PARD3B: variants seen among roughly 807,000 people sequenced by gnomAD.
The protein encoded by PARD3B is partitioning defective 3 homolog B.
PARD3B carries 103 observed loss-of-function variants against 130.2 expected under a neutral mutation model. The ratio of observed to expected loss-of-function variants is 0.79; its 90% CI spans 0.67 to 0.93. The LOEUF is 0.93. PARD3B is among the 40% of genes least tolerant of loss of function. The pLI, the probability that PARD3B is intolerant of heterozygous loss-of-function variation, is 0.00. For synonymous variants in PARD3B, 583 were observed against 553.2 expected (o/e 1.05, Z -0.76); for missense variants, 1,609 against 1,499.2 (o/e 1.07, Z -1.21).
intron 2 of PARD3B, among the ~76,000 whole-genome samples, chr2:204,748,355 A>T (rs1403989109): frequency 6.6e-6 from 1 of 152,142 alleles, no homozygotes; most frequent in African/African-American, 2.4e-5. Context: ...CTCCTTCCTG[A>T]GCCTGGATTA....
At chr2:205,597,678 G>A (rs1290157679) in intron 22 of PARD3B, among the ~76,000 whole-genome samples, 1 of 152,116 alleles carries the variant, frequency 6.6e-6, no homozygotes, top group East Asian at 1.9e-4. Flanking sequence ...AGCCTCACCA[G>A]CATCTGTCGT....
chr2:205,379,826 T>C (rs937252979), intron 18 of PARD3B, among the ~76,000 whole-genome samples: 1 of 151,912 alleles, frequency 6.6e-6, no homozygotes, highest in Non-Finnish European at 1.5e-5. Flanking sequence ...TCCCAGCACT[T>C]TGTGAGGCCA....
chr2:205,338,888 C>T (rs2105800894), intron 18 of PARD3B, among the ~76,000 whole-genome samples: 2 of 152,052 alleles, frequency 1.3e-5, no homozygotes, highest in East Asian at 3.8e-4. Context: ...GCAACCATAA[C>T]AAATTGAACA....
chr2:204,648,708 AAAT>A (rs1439941436), intron 1 of PARD3B, among the ~76,000 whole-genome samples: 74 of 85,350 alleles, frequency 8.7e-4, no homozygotes, highest in Admixed American at 1.3e-3. Context: ...TATATCATAT[AAAT>A]AATATATATT....
At chr2:204,788,416 G>A (rs990194377) in intron 2 of PARD3B, among the ~76,000 whole-genome samples, 1 of 152,204 alleles carries the variant, frequency 6.6e-6, no homozygotes, top group Non-Finnish European at 1.5e-5. Context: ...CTGTTACTCT[G>A]TGGATAATTT....
chr2:204,806,311 A>C (rs188470391), intron 2 of PARD3B, among the ~76,000 whole-genome samples: 2 of 152,212 alleles, frequency 1.3e-5, no homozygotes, highest in Non-Finnish European at 2.9e-5. Context: ...AATGGAACAG[A>C]ATAGGGAACC....
chr2:204,880,521 A>G (rs760466772), intron 2 of PARD3B, among the ~76,000 whole-genome samples: 16 of 151,938 alleles, frequency 1.1e-4, no homozygotes, highest in Non-Finnish European at 1.5e-4. Flanking sequence ...TTAGCCAGGC[A>G]TGGTGATGTG....
At chr2:205,134,359 CAAAA>C (rs56722764) in intron 10 of PARD3B, among the ~76,000 whole-genome samples, 2 of 137,124 alleles carry the variant, frequency 1.5e-5, no homozygotes, top group Non-Finnish European at 3.1e-5. Context: ...CCCATCTCTA[CAAAA>C]AAAAAAAAAA....
chr2:205,518,307 T>A lies in PARD3B; in HGVS notation c.3180+18276T>A, dbSNP rs2050880493. On this transcript the variant is annotated intron_variant, in intron 21 of 22. Coordinates refer to ENST00000406610, the MANE Select transcript of PARD3B (RefSeq NM_001302769.2). ...TTTAGGATAGTTAGGCCTTGTTGAA[T>A]TGAACCCTTTACCATTATGTAATGC... Among the ~76,000 whole-genome samples, 3 of 152,304 alleles carry A rather than the reference T, an allele frequency of 2.0e-5. No individual in the cohort carries two copies. In the South Asian group the frequency reaches 6.2e-4, roughly 32 times the overall value.
intron 2 of PARD3B, among the ~76,000 whole-genome samples, chr2:204,954,511 G>A (rs888456181): frequency 3.9e-5 from 6 of 152,222 alleles, no homozygotes; most frequent in Non-Finnish European, 8.8e-5. Flanking sequence ...TCCCTAACCA[G>A]TCTGGTGAAA....
intron 22 of PARD3B, among the ~76,000 whole-genome samples, chr2:205,569,893 T>C (rs981611368): frequency 1.3e-5 from 2 of 152,110 alleles, no homozygotes; most frequent in African/African-American, 4.8e-5. Context: ...GCCTCTGCCG[T>C]GTTAGCAAGG....
chr2:204,563,272 TC>T (rs2031462418), intron 1 of PARD3B, among the ~76,000 whole-genome samples: 1 of 146,482 alleles, frequency 6.8e-6, no homozygotes, highest in Non-Finnish European at 1.5e-5. Flanking sequence ...TCTCTTTCTC[TC>T]TTCTCCCTTT....
chr2:204,791,610 G>T (rs2125476848), intron 2 of PARD3B, among the ~76,000 whole-genome samples: 1 of 152,284 alleles, frequency 6.6e-6, no homozygotes, highest in Non-Finnish European at 1.5e-5. Context: ...TTTTTCAGTG[G>T]CTTACCTGAA....
Position 204,756,568 on chromosome 2 carries a change from G to A in PARD3B, c.222+70286G>A, listed in dbSNP as rs576522849. Among the ~76,000 whole-genome samples the A allele has an allele frequency of 2.6e-5, 4 of 152,206 alleles. 1 individual carries two copies. Among genetic ancestry groups the A allele is most frequent in the East Asian group, 3.9e-4 (2 of 5,168 alleles). Reference sequence around the variant, plus strand: ...TGGTTAGCTTTGCTTTAAATGTGACGAGTTTTTCAACTGAAAGTAGACATA... The same window carrying A: ...TGGTTAGCTTTGCTTTAAATGTGACAAGTTTTTCAACTGAAAGTAGACATA... On this transcript the variant is annotated intron_variant, in intron 2 of 22. Transcript: ENST00000406610.
intron 18 of PARD3B, among the ~76,000 whole-genome samples, chr2:205,339,343 A>G (rs2043431375): frequency 1.3e-5 from 2 of 152,204 alleles, no homozygotes; most frequent in African/African-American, 2.4e-5. Context: ...TTTAAAAAGG[A>G]GAAGTTTAGT....
Position 205,473,654 on chromosome 2 carries a change from ATGTGTGTG to A in PARD3B, c.3045-26222_3045-26215del, listed in dbSNP as rs751534704. ...TGTTTCCCAATATAAGGTTATATAT[ATGTGTGTG>A]TGTGTGTGTGTGTGTGTGTATGTAT... On this transcript the variant is annotated intron_variant, in intron 20 of 22. Transcript: ENST00000406610. The surrounding 1 kb of genome is among the most constrained non-coding windows in gnomAD (Gnocchi z 4.9). 1.6e-5 allele frequency among the ~76,000 whole-genome samples: 2 copies of A among 123,678 alleles called. No homozygotes were observed. The highest frequency in any genetic ancestry group is 2.1e-4 in the East Asian group (1 of 4,660). The allele number at this position is 123,678 out of a possible 152,430, so 81.1% of individuals were successfully genotyped here.
At chr2:204,626,070 TATTA>T (rs1297128897) in intron 1 of PARD3B, among the ~76,000 whole-genome samples, 2 of 152,176 alleles carry the variant, frequency 1.3e-5, no homozygotes, top group African/African-American at 4.8e-5. Context: ...AAATTTAAAG[TATTA>T]ATTTTTTGAC....
chr2:204,791,902 C>G (rs2125477578), intron 2 of PARD3B, among the ~76,000 whole-genome samples: 1 of 152,306 alleles, frequency 6.6e-6, no homozygotes, highest in Non-Finnish European at 1.5e-5. Context: ...CGCTTATGCA[C>G]TTTAGAACAG....
intron 22 of PARD3B, among the ~76,000 whole-genome samples, chr2:205,578,010 A>G (rs539815726): frequency 6.6e-6 from 1 of 152,314 alleles, no homozygotes; most frequent in South Asian, 2.1e-4. Context: ...TGTTGGAGTA[A>G]ATATGGAGCT....
Sources: allele counts gnomAD v4.1 joint callset (sites outside exome capture counted in the v4.1 genomes callset), GRCh38; gene constraint gnomAD v4.1.1; non-coding constraint Gnocchi (gnomAD v3.1); transcripts MANE v1.5; gene names NCBI Gene and HGNC (gene_info 2026-07-23, HGNC 2026-07-21).